LUZP1: variants seen among roughly 807,000 people sequenced by gnomAD.
The protein encoded by LUZP1 is filamin mechanobinding actin cross-linking protein.
LUZP1 carries 25 observed loss-of-function variants against 71.3 expected under a neutral mutation model. That is an observed-to-expected ratio of 0.35 (90% CI 0.26 to 0.49). The LOEUF (loss-of-function observed/expected upper bound fraction) is 0.49, where lower values mean the gene tolerates loss of function less well. Among genes scored for constraint, LUZP1 ranks in the 20% least tolerant of loss-of-function variants. The pLI is 0.99. For missense variants in LUZP1, 1,142 were observed against 1,300.8 expected (o/e 0.88, Z 1.88); for synonymous variants, 481 against 506.4 (o/e 0.95, Z 0.67).
rs144815456 is a variant in LUZP1 at position 23,096,035 on chromosome 1, C to A, written c.-119-1655G>T. 4.7e-5 allele frequency among the ~76,000 whole-genome samples: 7 copies of A among 149,300 alleles called. No homozygotes were observed. In the East Asian group the frequency reaches 1.2e-3, roughly 25 times the overall value. ...CCATCTTTTACTTGACTGGGCAGAG[C>A]AAGTCAAGTAAAAAAGAACCAAAGT... On this transcript the variant is annotated intron_variant, in intron 3 of 4. Transcript: ENST00000302291.
intron 2 of LUZP1, among the ~76,000 whole-genome samples, chr1:23,122,799 C>A (rs1447615346): frequency 1.3e-5 from 2 of 152,222 alleles, no homozygotes; most frequent in African/African-American, 2.4e-5. Flanking sequence ...ACACCTCCCC[C>A]ATCTTCCCAA....
Position 23,142,694 on chromosome 1 carries a change from TATATATACAC to T in LUZP1, c.-226+26062_-226+26071del, listed in dbSNP as rs1387764501. Among the ~76,000 whole-genome samples the T allele has an allele frequency of 9.4e-3, 809 of 85,624 alleles. 7 individuals are homozygous for T. The highest frequency in any genetic ancestry group is 0.023 in the Admixed American group (177 of 7,770). 56.2% of individuals were successfully genotyped at this position (85,624 alleles called of 152,430 possible). On this transcript the variant is annotated intron_variant, in intron 2 of 4. Transcript: ENST00000302291. ...AAATGGTGGGTGCATAAAATATATA[TATATATACAC>T]ACACACACACACACACACACACACA...
At chr1:23,108,705 TGAC>T (rs1466539286) in intron 3 of LUZP1, among the ~76,000 whole-genome samples, 1 of 152,208 alleles carries the variant, frequency 6.6e-6, no homozygotes, top group Non-Finnish European at 1.5e-5. Context: ...CTTGTGGTGA[TGAC>T]AACAGTACTT....
At chr1:23,101,206 A>T (rs1241050093) in intron 3 of LUZP1, among the ~76,000 whole-genome samples, 1 of 152,236 alleles carries the variant, frequency 6.6e-6, no homozygotes, top group Non-Finnish European at 1.5e-5. Context: ...ACATGTTCCT[A>T]CGTTACTCCA....
intron 2 of LUZP1, among the ~76,000 whole-genome samples, chr1:23,167,510 C>CT (rs1435866950): frequency 6.6e-6 from 1 of 152,032 alleles, no homozygotes; most frequent in Non-Finnish European, 1.5e-5. Flanking sequence ...GTCTGGCCTT[C>CT]TGGAAATCAC....
At chr1:23,151,722 T>C (rs779613469) in intron 2 of LUZP1, among the ~76,000 whole-genome samples, 2 of 152,130 alleles carry the variant, frequency 1.3e-5, no homozygotes, top group Non-Finnish European at 2.9e-5. Context: ...TGGTAGATAA[T>C]GGCCAGGTGC....
At chr1:23,141,789 C>T (rs1644305249) in intron 2 of LUZP1, among the ~76,000 whole-genome samples, 1 of 152,096 alleles carries the variant, frequency 6.6e-6, no homozygotes, top group Non-Finnish European at 1.5e-5. Flanking sequence ...AAGCGATCCT[C>T]TCACCTCAGC....
intron 2 of LUZP1, among the ~76,000 whole-genome samples, chr1:23,117,506 C>T (rs1202073511): frequency 1.8e-4 from 7 of 39,704 alleles, no homozygotes; most frequent in Admixed American, 2.8e-4. Flanking sequence ...TCAGGAAGCC[C>T]TGGGGGGGGG....
chr1:23,167,903 G>T (rs1010169623), intron 2 of LUZP1, among the ~76,000 whole-genome samples: 1 of 151,942 alleles, frequency 6.6e-6, no homozygotes. Context: ...CGGGGGCCGG[G>T]GGTGCGCCGG....
intron 1 of LUZP1, among the ~76,000 whole-genome samples, chr1:23,171,141 T>TG (rs1644550831): frequency 9.6e-6 from 1 of 103,674 alleles, no homozygotes; most frequent in Non-Finnish European, 1.9e-5. Context: ...TTTATATATG[T>TG]ATTTTTATAT....
intron 2 of LUZP1, among the ~76,000 whole-genome samples, chr1:23,115,272 T>A (rs560193460): frequency 5.4e-4 from 82 of 152,290 alleles, no homozygotes; most frequent in Admixed American, 2.4e-3. Flanking sequence ...ATATGACAGA[T>A]GAGCAAACAA....
Position 23,161,980 on chromosome 1 carries a change from C to T in LUZP1, c.-226+6786G>A, listed in dbSNP as rs142954015. Among the ~76,000 whole-genome samples the T allele has an allele frequency of 6.3e-3, 850 of 135,820 alleles. 9 individuals are homozygous for T. Among genetic ancestry groups the T allele is most frequent in the African/African-American group, 0.022 (772 of 35,350 alleles). The allele number at this position is 135,820 out of a possible 152,430, so 89.1% of individuals were successfully genotyped here. ...GGTGGAGGTTGCAGTGAGCTGAGAT[C>T]GCGCCACTGCACTCCAGCCTGGGCG... On this transcript the variant is annotated intron_variant, in intron 2 of 4. Coordinates refer to ENST00000302291, the Ensembl canonical transcript of LUZP1.
At chr1:23,110,191 C>G (rs771688334) in intron 2 of LUZP1, among the ~76,000 whole-genome samples, 1 of 152,122 alleles carries the variant, frequency 6.6e-6, no homozygotes, top group Admixed American at 6.5e-5. Flanking sequence ...TAGACTCGGT[C>G]CTCAAAAGAG....
exon 4 of LUZP1, chr1:23,092,347 T>C: frequency 6.2e-7 from 1 of 1,614,228 alleles, no homozygotes; most frequent in South Asian, 1.1e-5. Flanking sequence ...TCATGCGGAC[T>C]GCTGTCTTCC....
At chr1:23,152,656 G>A (rs1053466570) in intron 2 of LUZP1, among the ~76,000 whole-genome samples, 7 of 151,904 alleles carry the variant, frequency 4.6e-5, no homozygotes, top group African/African-American at 7.2e-5. Context: ...TCAGCCTACC[G>A]AGTAGCTGGG....
chr1:23,092,053 C>T, exon 4 of LUZP1: 1 of 1,614,070 alleles, frequency 6.2e-7, no homozygotes, highest in Non-Finnish European at 8.5e-7. Flanking sequence ...CTTTTTACCC[C>T]AGCACCATTG....
intron 3 of LUZP1, among the ~76,000 whole-genome samples, chr1:23,103,883 AGAGGGAGAGAGGGAGGGAGGGGGGAAG>A (rs1643955531): frequency 1.4e-4 from 1 of 7,336 alleles, no homozygotes; most frequent in Non-Finnish European, 2.2e-4. Context: ...AGGGAGGGAG[AGAGGGAGAGAGGGAGGGAGGGGGGAAG>A]GAGGGAGGGA....
chr1:23,160,938 G>A (rs368709873), intron 2 of LUZP1, among the ~76,000 whole-genome samples: 2 of 152,164 alleles, frequency 1.3e-5, no homozygotes, highest in African/African-American at 4.8e-5. Flanking sequence ...GGCAATAAAT[G>A]CTATAAAATT....
At chr1:23,147,971 T>C (rs979978524) in intron 2 of LUZP1, among the ~76,000 whole-genome samples, 3 of 152,226 alleles carry the variant, frequency 2.0e-5, no homozygotes, top group African/African-American at 4.8e-5. Context: ...GTGTTTCTTA[T>C]GTGTAGTGAT....
Sources: allele counts gnomAD v4.1 joint callset (sites outside exome capture counted in the v4.1 genomes callset), GRCh38; gene constraint gnomAD v4.1.1; transcripts MANE v1.5; gene names NCBI Gene and HGNC (gene_info 2026-07-23, HGNC 2026-07-21).